The following RBM26 variants were observed in gnomAD, a reference collection of about 807,000 sequenced individuals.
RBM26 encodes the protein RNA-binding protein 26.
RBM26 carries 30 observed loss-of-function variants against 123.6 expected under a neutral mutation model. The ratio of observed to expected loss-of-function variants is 0.24; its 90% CI spans 0.18 to 0.33. RBM26 has a LOEUF of 0.33. Among genes scored for constraint, RBM26 ranks in the 10% least tolerant of loss-of-function variants. RBM26 has a pLI of 1.00. For synonymous variants in RBM26, 400 were observed against 404.4 expected, an observed-to-expected ratio of 0.99 and a Z score of 0.13; for missense variants, 947 against 1,203.6, an observed-to-expected ratio of 0.79 and a Z score of 3.15.
At chr13:79,338,904 G>A (rs1215581402) in intron 18 of RBM26, among the ~76,000 whole-genome samples, 2 of 152,132 alleles carry the variant, frequency 1.3e-5, no homozygotes, top group African/African-American at 4.8e-5. Flanking sequence ...GAAGCAAAGG[G>A]AGAAATCAAT....
intron 11 of RBM26, among the ~76,000 whole-genome samples, chr13:79,356,483 T>C (rs1040674101): frequency 2.6e-5 from 4 of 152,202 alleles, no homozygotes; most frequent in Admixed American, 1.3e-4. Flanking sequence ...TTAACCTTTC[T>C]GGGCCTTGTT....
chr13:79,398,528 T>A (rs2078787788), intron 1 of RBM26, among the ~76,000 whole-genome samples: 2 of 152,136 alleles, frequency 1.3e-5, no homozygotes, highest in South Asian at 2.1e-4. Flanking sequence ...TAAAGAAAAA[T>A]GTTTTAACCA....
chr13:79,372,606 G>A (rs2076012478), intron 3 of RBM26, among the ~76,000 whole-genome samples: 1 of 148,670 alleles, frequency 6.7e-6, no homozygotes, highest in African/African-American at 2.5e-5. Flanking sequence ...TCGTGGACTT[G>A]GTGTGGTACC....
chr13:79,329,849 G>A (rs745475710), intron 20 of RBM26, among the ~76,000 whole-genome samples: 28 of 152,104 alleles, frequency 1.8e-4, no homozygotes, highest in Admixed American at 1.2e-3. Flanking sequence ...TAGTAGTACT[G>A]TATTTTTTTA....
At chr13:79,334,907 AG>A (rs2138868756) in intron 19 of RBM26, among the ~76,000 whole-genome samples, 1 of 152,266 alleles carries the variant, frequency 6.6e-6, no homozygotes, top group South Asian at 2.1e-4. Context: ...AAGAGATTCC[AG>A]GTCTCTTGAT....
At chr13:79,354,907 A>T (rs2073783913) in intron 12 of RBM26, among the ~76,000 whole-genome samples, 6 of 152,200 alleles carry the variant, frequency 3.9e-5, no homozygotes, top group Admixed American at 3.9e-4. Context: ...GGGAAAGAAG[A>T]GAGAATCTCT....
intron 5 of RBM26, among the ~76,000 whole-genome samples, chr13:79,369,891 G>GTACA (rs2075702325): frequency 6.6e-6 from 1 of 152,070 alleles, no homozygotes; most frequent in African/African-American, 2.4e-5. Flanking sequence ...AATAAATGAT[G>GTACA]TACATATTCA....
chr13:79,365,796 A>G (rs1270946312), intron 8 of RBM26, 78 bp from the exon 9 acceptor site: 7 of 1,064,652 alleles, frequency 6.6e-6, no homozygotes, highest in Non-Finnish European at 9.6e-6. Context: ...TAAGAGAAAA[A>G]GTAAACAATA....
At chr13:79,326,793 C>T (rs1054905568) in intron 20 of RBM26, among the ~76,000 whole-genome samples, 16 of 151,718 alleles carry the variant, frequency 1.1e-4, no homozygotes, top group African/African-American at 3.6e-4. Context: ...ATATCCCTCC[C>T]AAAATTTACA....
chr13:79,396,299 C>A (rs2078556597), intron 1 of RBM26, among the ~76,000 whole-genome samples: 3 of 151,892 alleles, frequency 2.0e-5, no homozygotes, highest in Admixed American at 2.0e-4. Context: ...AAAAATAAAA[C>A]ACTGAAATAG....
intron 14 of RBM26, among the ~76,000 whole-genome samples, chr13:79,351,771 C>G (rs2073273078): frequency 6.6e-6 from 1 of 152,096 alleles, no homozygotes; most frequent in African/African-American, 2.4e-5. Context: ...AGCTGTGAAT[C>G]AAGGAAAGTA....
chr13:79,368,946 G>C lies in RBM26; in HGVS notation c.679C>G (p.Pro227Ala). 1 of 1,610,454 alleles carries C rather than the reference G, an allele frequency of 6.2e-7. No homozygotes were observed. The highest frequency in any genetic ancestry group is 8.5e-7 in the Non-Finnish European group (1 of 1,177,000). The part of the protein sequence containing the change: ...KPKYDLDRTD[P>A]LENNYTPVSS... ...ACTGGAGTATAATTATTTTCTAATGGATCTGTTCTATCCAGGTCATATTTA... is the reference window on the plus strand; with the variant it reads ...ACTGGAGTATAATTATTTTCTAATGCATCTGTTCTATCCAGGTCATATTTA... The change falls in exon 6 of 22, where the codon CCA becomes GCA. Residue 227 changes from proline to alanine, a missense_variant. Coordinates refer to ENST00000438737, the MANE Select transcript of RBM26 (RefSeq NM_001366735.2).
At chr13:79,392,018 ATTATT>A (rs2078054228) in intron 1 of RBM26, among the ~76,000 whole-genome samples, 1 of 81,080 alleles carries the variant, frequency 1.2e-5, no homozygotes, top group African/African-American at 3.2e-5. Flanking sequence ...TATATTATAC[ATTATT>A]ATATAATTAT....
In RBM26 at chr13:79,320,046, TA is replaced by T. The variant is rs1326722919; in HGVS notation, c.*574del. The T allele has an allele frequency of 2.1e-6, 2 of 970,728 alleles. No homozygotes were observed. The highest frequency in any genetic ancestry group is 3.6e-5 in the African/African-American group (2 of 55,142). The allele number at this position is 970,728 out of a possible 1,614,324, so 60.1% of individuals were successfully genotyped here. On this transcript the variant is annotated 3_prime_UTR_variant, in exon 22 of 22. Transcript: ENST00000438737. The stretch of plus-strand genomic sequence containing the variant: ...CACTTTATTATAACATCTGGATGCA[TA>T]AGGACTCATGTAAAGCAGTCATACA...
At chr13:79,351,601 C>T (rs1480033023) in intron 14 of RBM26, among the ~76,000 whole-genome samples, 5 of 3,242 alleles carry the variant, frequency 1.5e-3, no homozygotes, top group Non-Finnish European at 6.2e-3. Context: ...TTAGTTGGGG[C>T]GGCGGGGGGG....
At chr13:79,373,467 TGTATAA>T (rs1337052524) in intron 3 of RBM26, among the ~76,000 whole-genome samples, 47,337 of 66,416 alleles carry the variant, frequency 0.71, 14,251 homozygotes, top group Middle Eastern at 0.75. Flanking sequence ...ATATATAATA[TGTATAA>T]ATATACAAAT....
intron 6 of RBM26, among the ~76,000 whole-genome samples, chr13:79,367,430 A>AAG (rs1555326394): frequency 6.4e-4 from 30 of 47,168 alleles, no homozygotes; most frequent in African/African-American, 1.5e-3. Context: ...AAAAAAAAAA[A>AAG]AAGAAGAAGA....
At position 79,353,152 on chromosome 13, in the gene RBM26, C is replaced by A; in HGVS notation, c.2058+1G>T. The A allele has an allele frequency of 1.9e-6, 3 of 1,575,922 alleles. No individual in the cohort carries two copies. Among genetic ancestry groups the A allele is most frequent in the Non-Finnish European group, 1.7e-6 (2 of 1,155,584 alleles). On this transcript the variant is annotated splice_donor_variant, in intron 14 of 21. Transcript: ENST00000438737. LOFTEE classifies it high-confidence loss of function. Reference sequence around the variant, plus strand: ...CAAACACATCATGCTATTCTTCTTACCTTTTCAGTTGCTGAAACAGATGGC... The same window carrying A: ...CAAACACATCATGCTATTCTTCTTAACTTTTCAGTTGCTGAAACAGATGGC...
At chr13:79,370,008 G>A (rs1183575797) in intron 5 of RBM26, among the ~76,000 whole-genome samples, 1 of 152,076 alleles carries the variant, frequency 6.6e-6, no homozygotes, top group Non-Finnish European at 1.5e-5. Context: ...TCACAGATTA[G>A]TTTGCATTTT....
Sources: gnomAD v4.1 joint callset for allele counts (sites outside exome capture counted in the v4.1 genomes callset) on GRCh38, gnomAD v4.1.1 for gene constraint, MANE v1.5 for transcripts, NCBI Gene and HGNC (gene_info 2026-07-23, HGNC 2026-07-21) for gene names.